The following MTNR1B variants were observed in gnomAD, a reference collection of about 807,000 sequenced individuals.
MTNR1B encodes the protein melatonin receptor 1B.
MTNR1B carries 7 observed loss-of-function variants against 7.0 expected under a neutral mutation model. That is an observed-to-expected ratio of 1.00 (90% CI 0.57 to 1.88). The LOEUF is 1.88. Ranked by LOEUF, MTNR1B falls within the 40% of genes most tolerant of loss-of-function variation. The probability of loss-of-function intolerance (pLI) is 0.00; values close to 1 mark genes in which losing one functional copy is unlikely to be tolerated. For missense variants in MTNR1B, 478 were observed against 486.5 expected (o/e 0.98, Z 0.16); for synonymous variants, 226 against 208.2 (o/e 1.09, Z -0.74).
chr11:92,982,320 CT>C lies in MTNR1B; in HGVS notation c.*9del. 6.2e-7 allele frequency: 1 copy of C among 1,603,744 alleles called. No homozygotes were observed. Among genetic ancestry groups the C allele is most frequent in the South Asian group, 1.1e-5 (1 of 89,436 alleles). On this transcript the variant is annotated 3_prime_UTR_variant, in exon 2 of 2. Coordinates refer to ENST00000257068, the MANE Select transcript of MTNR1B (RefSeq NM_005959.5). ...CAGGCAGATGCTCTCTAGCCTGGAT[CT>C]GAGGCACACCAGCAGCATGACAAAC...
Position 92,981,635 on chromosome 11 carries a change from C to T in MTNR1B, c.412C>T (p.Arg138Cys), listed in dbSNP as rs61746674. 1.3e-3 allele frequency: 2,093 copies of T among 1,614,202 alleles called. 4 individuals are homozygous for T. The highest frequency in any genetic ancestry group is 2.3e-3 in the Middle Eastern group (14 of 6,062). ...CAATATCACTGCCATCGCCATTAAC[C>T]GCTACTGCTACATCTGCCACAGCAT... ...VFNITAIAIN[R>C]YCYICHSMAY... is the part of the protein sequence containing the mutation. The change falls in exon 2 of 2, where the codon CGC becomes TGC. Residue 138 changes from arginine (R) to cysteine (C), a missense_variant. Physicochemically the swap from Arg to Cys is radical, Grantham distance 180 (BLOSUM62 -3). Transcript: ENST00000257068.
chr11:92,981,850 C>T lies in MTNR1B; in HGVS notation c.627C>T (p.Phe209=). Residue 209 remains phenylalanine, a synonymous_variant, in exon 2 of 2, where the codon TTC becomes TTT. Transcript: ENST00000257068. ...QYTAAVVVIH[F]LLPIAVVSFC... ...CGGCGGCAGTGGTGGTCATCCACTT[C>T]CTCCTCCCTATCGCTGTCGTGTCCT... 1.2e-6 allele frequency: 2 copies of T among 1,614,236 alleles called. No homozygotes were observed. The highest frequency in any genetic ancestry group is 1.7e-6 in the Non-Finnish European group (2 of 1,180,044).
At chr11:92,983,720 C>G (rs930874633), downstream of MTNR1B, among the ~76,000 whole-genome samples, 1 of 152,164 alleles carries the variant, frequency 6.6e-6, no homozygotes, top group African/African-American at 2.4e-5. Context: ...GTTCCACAAA[C>G]ACTGAGTGCC....
At chr11:92,984,040 C>T (rs1479983085), downstream of MTNR1B, among the ~76,000 whole-genome samples, 1 of 152,180 alleles carries the variant, frequency 6.6e-6, no homozygotes, top group Non-Finnish European at 1.5e-5. Context: ...ATCATCCCAC[C>T]TCGGAATATG....
At chr11:92,983,348 C>G (rs1591909044), downstream of MTNR1B, among the ~76,000 whole-genome samples, 2 of 152,002 alleles carry the variant, frequency 1.3e-5, no homozygotes, top group African/African-American at 4.8e-5. Context: ...ATGGCAAAAC[C>G]CTGTCTCTAC....
chr11:92,976,546 C>T (rs1037204889), intron 1 of MTNR1B, among the ~76,000 whole-genome samples: 69 of 152,182 alleles, frequency 4.5e-4, no homozygotes, highest in African/African-American at 1.7e-3. Flanking sequence ...TCCACTGTCC[C>T]CTATCAAAGG....
At chr11:92,977,223 C>T (rs1244363127) in intron 1 of MTNR1B, among the ~76,000 whole-genome samples, 1 of 152,114 alleles carries the variant, frequency 6.6e-6, no homozygotes, top group Non-Finnish European at 1.5e-5. Context: ...AGTTAGATTT[C>T]AACTCAGCTC....
Position 92,969,794 on chromosome 11 carries a change from G to C in MTNR1B, c.69G>C (p.Ser23=), listed in dbSNP as rs373331389. The C allele has an allele frequency of 1.3e-6, 2 of 1,556,502 alleles. No individual in the cohort carries two copies. Among genetic ancestry groups the C allele is most frequent in the Middle Eastern group, 1.8e-4 (1 of 5,562 alleles). The part of the protein sequence containing the change: ...AGGWAVRPGW[S]GAGSARPSRT... ...GGTGGGCAGTGCGCCCGGGCTGGTC[G>C]GGGGCTGGCAGCGCGCGGCCCTCCA... The change falls in exon 1 of 2, where the codon TCG becomes TCC. Residue 23 remains serine, a synonymous_variant. Transcript: ENST00000257068.
intron 1 of MTNR1B, among the ~76,000 whole-genome samples, chr11:92,974,749 A>C (rs1262755236): frequency 2.0e-5 from 3 of 151,784 alleles, no homozygotes; most frequent in Non-Finnish European, 4.4e-5. Flanking sequence ...ACTACAGGCG[A>C]CCGCCACCTC....
chr11:92,971,820 G>A (rs4388843), intron 1 of MTNR1B, among the ~76,000 whole-genome samples: 23,225 of 152,114 alleles, frequency 0.15, 2,689 homozygotes, highest in African/African-American at 0.32. Context: ...AACCTAACCA[G>A]TTTAAGAGCA....
chr11:92,971,927 C>CA (rs200429710), intron 1 of MTNR1B, among the ~76,000 whole-genome samples: 290 of 150,822 alleles, frequency 1.9e-3, no homozygotes, highest in Admixed American at 4.2e-3. Flanking sequence ...AGCACCCGAA[C>CA]AAAAAAAAAT....
chr11:92,976,778 T>A (rs920636621), intron 1 of MTNR1B, among the ~76,000 whole-genome samples: 4 of 152,268 alleles, frequency 2.6e-5, no homozygotes, highest in African/African-American at 7.2e-5. Context: ...TTAATTCCCT[T>A]GATATTTCTT....
chr11:92,970,138 C>T (rs1352708831), intron 1 of MTNR1B, among the ~76,000 whole-genome samples, 190 bp downstream of exon 1: 2 of 152,202 alleles, frequency 1.3e-5, no homozygotes, highest in Admixed American at 6.5e-5. Flanking sequence ...CTCCGAAGTG[C>T]GGCTGCCCAG....
intron 1 of MTNR1B, among the ~76,000 whole-genome samples, chr11:92,978,371 G>A (rs979975385): frequency 5.9e-5 from 9 of 152,220 alleles, no homozygotes; most frequent in African/African-American, 1.9e-4. Context: ...GGGATTCCAT[G>A]TTAGTAAACA....
At chr11:92,970,101 A>G (rs982941703) in intron 1 of MTNR1B, among the ~76,000 whole-genome samples, 153 bp downstream of exon 1, 6 of 151,960 alleles carry the variant, frequency 3.9e-5, no homozygotes, top group East Asian at 3.9e-4. Flanking sequence ...TTGACTCTGC[A>G]CTCAAAAGTT....
In MTNR1B at chr11:92,975,534, C is replaced by T. The variant is rs182083179; in HGVS notation, c.223+5586C>T. ...CAGGCCCCCAGTGATGCTAAGAATTCACACCATCTCCTATCCAGAACCAGT... is the reference window on the plus strand; with the variant it reads ...CAGGCCCCCAGTGATGCTAAGAATTTACACCATCTCCTATCCAGAACCAGT... On this transcript the variant is annotated intron_variant, in intron 1 of 1. Coordinates refer to ENST00000257068, the MANE Select transcript of MTNR1B (RefSeq NM_005959.5). 7.2e-5 allele frequency among the ~76,000 whole-genome samples: 11 copies of T among 152,316 alleles called. No homozygotes were observed. The East Asian group carries it at 1.5e-3, about 21-fold the overall frequency.
rs1345185983 is a variant in MTNR1B, at chr11:92,969,851, G to A, written c.126G>A (p.Ala42=). The A allele has an allele frequency of 1.2e-6, 2 of 1,610,108 alleles. No individual in the cohort carries two copies. Among genetic ancestry groups the A allele is most frequent in the Admixed American group, 3.3e-5 (2 of 59,742 alleles). The change falls in exon 1 of 2, where the codon GCG becomes GCA. Residue 42 remains alanine (A), a synonymous_variant. Coordinates refer to ENST00000257068, the MANE Select transcript of MTNR1B (RefSeq NM_005959.5). ...CTCGACCTCCCTGGGTGGCTCCAGC[G>A]CTGTCCGCGGTGCTCATCGTCACCA... The part of the protein sequence containing the change: ...RTPRPPWVAP[A]LSAVLIVTTA...
At position 92,978,156 on chromosome 11, in the gene MTNR1B, GGCAAGGGTTACAGGGA is replaced by G. The variant is rs1176869925; in HGVS notation, c.224-3288_224-3273del. Among the ~76,000 whole-genome samples, 3 of 152,278 alleles carry G rather than the reference GGCAAGGGTTACAGGGA, an allele frequency of 2.0e-5. No homozygotes were observed. In the East Asian group the frequency reaches 5.8e-4, roughly 29 times the overall value. On this transcript the variant is annotated intron_variant, in intron 1 of 1. Transcript: ENST00000257068. Reference sequence around the variant, plus strand: ...ATGGAGGGTGAGCACAGAGGAGGGGGGCAAGGGTTACAGGGAGCTTTACCTTCCAGAATTCTCCTAT... The same window carrying G: ...ATGGAGGGTGAGCACAGAGGAGGGGGGCTTTACCTTCCAGAATTCTCCTAT...
intron 1 of MTNR1B, among the ~76,000 whole-genome samples, chr11:92,972,301 G>T (rs1190596741): frequency 6.6e-6 from 1 of 152,102 alleles, no homozygotes; most frequent in Non-Finnish European, 1.5e-5. Flanking sequence ...AAGATACATA[G>T]CCCATATTGA....
Sources: gnomAD v4.1 joint callset for allele counts (sites outside exome capture counted in the v4.1 genomes callset) on GRCh38, gnomAD v4.1.1 for gene constraint, MANE v1.5 for transcripts, NCBI Gene and HGNC (gene_info 2026-07-23, HGNC 2026-07-21) for gene names.